The following URB2 variants were observed in gnomAD, a reference collection of about 807,000 sequenced individuals.
The protein encoded by URB2 is unhealthy ribosome biogenesis protein 2 homolog.
URB2 carries 86 observed loss-of-function variants against 120.9 expected under a neutral mutation model. The observed-to-expected ratio is 0.71, with a 90% CI of 0.60 to 0.85. The LOEUF (loss-of-function observed/expected upper bound fraction) is 0.85. URB2 is among the 40% of genes least tolerant of loss of function. The pLI is 0.00. For synonymous variants in URB2, 755 were observed against 758.4 expected (o/e 1.00, Z 0.07); for missense variants, 1,765 against 1,836.5 (o/e 0.96, Z 0.71).
intron 4 of URB2, among the ~76,000 whole-genome samples, chr1:229,638,624 C>G (rs1033074924): frequency 1.3e-5 from 2 of 150,114 alleles, no homozygotes; most frequent in Non-Finnish European, 2.9e-5. Flanking sequence ...CTAGCTTGGG[C>G]GACAGAGCGA....
Position 229,636,809 on chromosome 1 carries a change from A to T in URB2, c.2196A>T (p.Gly732=). ...ATGGCCAAGTTGGGATGGTGAGTGG[A>T]CTCACATACCCTGTAGCACACTGGC... is the stretch of plus-strand genomic sequence containing the variant. ...SWDGQVGMVS[G]LTYPVAHWHL... Residue 732 remains glycine (G), a synonymous_variant, in exon 4 of 10, where the codon GGA becomes GGT. Transcript: ENST00000258243. 6.2e-7 allele frequency: 1 copy of T among 1,612,522 alleles called. No individual in the cohort carries two copies. The highest frequency in any genetic ancestry group is 1.1e-5 in the South Asian group (1 of 90,986).
intron 2 of URB2, among the ~76,000 whole-genome samples, chr1:229,629,064 C>T (rs1665598858): frequency 6.6e-6 from 1 of 152,198 alleles, no homozygotes; most frequent in South Asian, 2.1e-4. Context: ...GATTTTATTC[C>T]TTCTGGCATC....
At chr1:229,642,044 A>G (rs962224092) in intron 4 of URB2, among the ~76,000 whole-genome samples, 2 of 152,180 alleles carry the variant, frequency 1.3e-5, no homozygotes, top group African/African-American at 2.4e-5. Context: ...AAATGCTTGT[A>G]TGTTTGAGGC....
chr1:229,648,191 G>C (rs1432286961), intron 7 of URB2, among the ~76,000 whole-genome samples: 2 of 152,164 alleles, frequency 1.3e-5, no homozygotes, highest in African/African-American at 4.8e-5. Context: ...CTTCAGCTAT[G>C]TGTATAAACT....
At chr1:229,652,125 T>C (rs1175041245) in intron 8 of URB2, among the ~76,000 whole-genome samples, 8 of 151,656 alleles carry the variant, frequency 5.3e-5, no homozygotes, top group South Asian at 2.1e-4. Context: ...GAGGTTGCAA[T>C]GAGCTGAGAT....
chr1:229,636,622 GTACA>G lies in URB2; in HGVS notation c.2012_2015del (p.Thr671IlefsTer3). 6.2e-7 allele frequency: 1 copy of G among 1,614,176 alleles called. No individual in the cohort carries two copies. The highest frequency in any genetic ancestry group is 1.6e-4 in the Middle Eastern group (1 of 6,062). On this transcript the variant is annotated frameshift_variant, in exon 4 of 10. Transcript: ENST00000258243. LOFTEE classifies it high-confidence loss of function. ...TTTACAGCTCAGTTCAGCTCTCTTG[GTACA>G]TATTGCTTAGAACAGCTGTACCTGC...
chr1:229,635,662 C>T lies in URB2; in HGVS notation c.1049C>T (p.Thr350Ile), dbSNP rs751069335. ...LQEEQSKALSTSDWTTELLVV... is the reference protein window; with the variant it reads ...LQEEQSKALSISDWTTELLVV... The stretch of plus-strand genomic sequence containing the variant: ...GAGGAGCAGAGCAAAGCCCTGTCCA[C>T]ATCAGATTGGACCACAGAGCTTTTG... Residue 350 changes from threonine to isoleucine, a missense_variant, in exon 4 of 10, where the codon ACA (threonine) becomes ATA (isoleucine). Physicochemically the swap from Thr to Ile is moderately conservative, Grantham distance 89. Coordinates refer to ENST00000258243, the MANE Select transcript of URB2 (RefSeq NM_014777.4). 1.2e-6 allele frequency: 2 copies of T among 1,614,160 alleles called. No individual in the cohort carries two copies. The highest frequency in any genetic ancestry group is 3.3e-5 in the Admixed American group (2 of 60,028).
intron 7 of URB2, 58 bp downstream of exon 7, chr1:229,647,810 G>T: frequency 6.4e-7 from 1 of 1,571,518 alleles, no homozygotes. Flanking sequence ...GGTACTTGAA[G>T]TCTGTAGAAA....
chr1:229,628,054 G>C (rs531633768), intron 2 of URB2, among the ~76,000 whole-genome samples: 17 of 146,716 alleles, frequency 1.2e-4, no homozygotes, highest in African/African-American at 3.8e-4. Context: ...TTCTAGACCA[G>C]ACTGGACAAC....
intron 4 of URB2, among the ~76,000 whole-genome samples, chr1:229,640,670 G>A (rs542488822): frequency 1.4e-4 from 22 of 152,296 alleles, no homozygotes; most frequent in African/African-American, 5.1e-4. Context: ...AAGCCATCTG[G>A]TCTGCCTGTG....
In URB2 at chr1:229,635,905, T is replaced by C; in HGVS notation, c.1292T>C (p.Leu431Pro). 1 of 1,614,246 alleles carries C rather than the reference T, an allele frequency of 6.2e-7. No individual in the cohort carries two copies. Among genetic ancestry groups the C allele is most frequent in the Non-Finnish European group, 8.5e-7 (1 of 1,180,056 alleles). Reference protein sequence around the residue: ...LILEPDLDDLLASAWIDAEVT... With the variant: ...LILEPDLDDLPASAWIDAEVT... ...TTGGAGCCAGACCTGGATGACCTGC[T>C]GGCTTCAGCGTGGATCGATGCCGAG... is the stretch of plus-strand genomic sequence containing the variant. Residue 431 changes from leucine to proline, a missense_variant, in exon 4 of 10, where the codon CTG becomes CCG. Coordinates refer to ENST00000258243, the MANE Select transcript of URB2 (RefSeq NM_014777.4).
At chr1:229,646,580 G>A (rs1393909635) in intron 6 of URB2, among the ~76,000 whole-genome samples, 1 of 152,194 alleles carries the variant, frequency 6.6e-6, no homozygotes, top group African/African-American at 2.4e-5. Context: ...TTGTATGTGT[G>A]TGTGTGTTTA....
intron 8 of URB2, among the ~76,000 whole-genome samples, chr1:229,651,904 G>A (rs927864986): frequency 2.6e-5 from 4 of 152,142 alleles, no homozygotes; most frequent in Admixed American, 6.5e-5. Flanking sequence ...ATTGCTGGCC[G>A]GGCGCAGTGG....
In URB2 at chr1:229,636,237, C is replaced by CT; in HGVS notation, c.1625dup (p.Ser543GlufsTer62). The CT allele has an allele frequency of 1.2e-6, 2 of 1,613,454 alleles. No homozygotes were observed. The highest frequency in any genetic ancestry group is 1.7e-6 in the Non-Finnish European group (2 of 1,179,426). On this transcript the variant is annotated frameshift_variant, in exon 4 of 10. Coordinates refer to ENST00000258243, the MANE Select transcript of URB2 (RefSeq NM_014777.4). LOFTEE classifies it high-confidence loss of function. ...CGACATGGCCCTGAAATCACTGTCA[C>CT]TGAGCTTGCTGCTGCACTGCATCAT...
At chr1:229,627,829 T>C (rs1571864106) in intron 2 of URB2, 70 bp downstream of exon 2, 1 of 1,489,116 alleles carries the variant, frequency 6.7e-7, no homozygotes, top group East Asian at 2.4e-5. Flanking sequence ...ATTTGGATAT[T>C]GACAATTGGT....
chr1:229,646,378 G>A lies in URB2; in HGVS notation c.3906+409G>A, dbSNP rs148738756. ...TTTGCAGTTGCAAATGTAGTGTTCT[G>A]CAGCCTCAAACTCCTGGCCTCAAGT... On this transcript the variant is annotated intron_variant, in intron 6 of 9. Transcript: ENST00000258243. 3.0e-3 allele frequency among the ~76,000 whole-genome samples: 454 copies of A among 152,282 alleles called. 2 individuals carry two copies. Among genetic ancestry groups the A allele is most frequent in the African/African-American group, 0.01 (436 of 41,544 alleles).
At chr1:229,638,883 TCAGCTTTTTA>T (rs994678087) in intron 4 of URB2, among the ~76,000 whole-genome samples, 1 of 152,234 alleles carries the variant, frequency 6.6e-6, no homozygotes, top group African/African-American at 2.4e-5. Context: ...CTGCTCCTCT[TCAGCTTTTTA>T]GCCTTTAACT....
At chr1:229,652,063 T>TTC (rs1321475334) in intron 8 of URB2, among the ~76,000 whole-genome samples, 34 of 152,120 alleles carry the variant, frequency 2.2e-4, no homozygotes, top group African/African-American at 8.0e-4. Flanking sequence ...ACTCCTGTAA[T>TTC]CCGAGCTACT....
chr1:229,631,462 C>T, intron 2 of URB2, among the ~76,000 whole-genome samples: 1 of 152,230 alleles, frequency 6.6e-6, no homozygotes, highest in East Asian at 1.9e-4. Context: ...TTTGGTCTAT[C>T]TCACCTTTCA....
Sources: allele counts gnomAD v4.1 joint callset (sites outside exome capture counted in the v4.1 genomes callset), GRCh38; gene constraint gnomAD v4.1.1; transcripts MANE v1.5; gene names NCBI Gene and HGNC (gene_info 2026-07-23, HGNC 2026-07-21).